The following CTXND1 variants were observed in gnomAD, a reference collection of about 807,000 sequenced individuals.
CTXND1 encodes the protein cortexin domain-containing 1 protein.
At chr15:80,238,572 C>T (rs1893529940) in intron 1 of CTXND1, among the ~76,000 whole-genome samples, 1 of 151,520 alleles carries the variant, frequency 6.6e-6, no homozygotes, top group Non-Finnish European at 1.5e-5. Context: ...GCAAGCTCCA[C>T]CTCCCAGGTT....
intron 1 of CTXND1, among the ~76,000 whole-genome samples, chr15:80,222,123 T>C (rs1225237890): frequency 6.6e-6 from 1 of 152,196 alleles, no homozygotes; most frequent in East Asian, 1.9e-4. Flanking sequence ...TTCATTATGC[T>C]ATTAGAATCC....
At position 80,209,421 on chromosome 15, in the gene CTXND1, A is replaced by G. The variant is rs73485401; in HGVS notation, c.-217-5681T>C. ...CCCCAGCATAACTGCATCATCCTTC[A>G]ACACTGAGCCTGTACGAGCCAAGTG... On this transcript the variant is annotated intron_variant, in intron 1 of 2. Coordinates refer to ENST00000560778, the MANE Select transcript of CTXND1 (RefSeq NM_001352888.2). 6.8e-3 allele frequency among the ~76,000 whole-genome samples: 1,039 copies of G among 152,286 alleles called. 14 individuals are homozygous for G. The highest frequency in any genetic ancestry group is 0.023 in the African/African-American group (976 of 41,558).
At chr15:80,220,884 TATTA>T (rs1246492639) in intron 1 of CTXND1, among the ~76,000 whole-genome samples, 1 of 149,858 alleles carries the variant, frequency 6.7e-6, no homozygotes, top group South Asian at 2.1e-4. Flanking sequence ...TGAGCTCTAT[TATTA>T]ATTAATTTAT....
At chr15:80,224,245 C>G (rs758720919) in intron 1 of CTXND1, among the ~76,000 whole-genome samples, 1 of 152,130 alleles carries the variant, frequency 6.6e-6, no homozygotes, top group Non-Finnish European at 1.5e-5. Flanking sequence ...AACCACCGAC[C>G]GACTGCAATC....
At chr15:80,224,066 G>A (rs1197266584) in intron 1 of CTXND1, among the ~76,000 whole-genome samples, 2 of 152,086 alleles carry the variant, frequency 1.3e-5, no homozygotes, top group African/African-American at 2.4e-5. Flanking sequence ...ACCTTGAGCC[G>A]CCATGTCAAG....
At chr15:80,218,670 C>CA (rs1468185495) in intron 1 of CTXND1, among the ~76,000 whole-genome samples, 2 of 151,652 alleles carry the variant, frequency 1.3e-5, no homozygotes, top group Admixed American at 6.6e-5. Context: ...TAAACATGTA[C>CA]AAAATCTGAG....
intron 1 of CTXND1, among the ~76,000 whole-genome samples, chr15:80,234,978 C>T (rs538128546): frequency 4.7e-4 from 62 of 131,562 alleles, no homozygotes; most frequent in Non-Finnish European, 7.4e-4. Flanking sequence ...GAGGTTCGGT[C>T]CCCAGAGTTT....
At chr15:80,208,266 C>T (rs1893171025) in intron 1 of CTXND1, among the ~76,000 whole-genome samples, 1 of 152,168 alleles carries the variant, frequency 6.6e-6, no homozygotes, top group African/African-American at 2.4e-5. Context: ...TGCACACACA[C>T]ATATGCACAT....
chr15:80,226,978 C>T (rs923292196), intron 1 of CTXND1, among the ~76,000 whole-genome samples: 1 of 152,150 alleles, frequency 6.6e-6, no homozygotes, highest in Admixed American at 6.5e-5. Flanking sequence ...TTCCCCATCT[C>T]TTTGCTCTTT....
chr15:80,229,095 C>A (rs1490871731), intron 1 of CTXND1, among the ~76,000 whole-genome samples: 2 of 152,176 alleles, frequency 1.3e-5, no homozygotes, highest in Non-Finnish European at 2.9e-5. Context: ...ACTCAACCTA[C>A]ATTTTGAAAG....
chr15:80,231,527 G>A (rs1893430552), intron 1 of CTXND1, among the ~76,000 whole-genome samples: 2 of 152,098 alleles, frequency 1.3e-5, no homozygotes, highest in South Asian at 4.1e-4. Context: ...CCTCTAAATT[G>A]GTCTTTGATA....
At chr15:80,248,385 C>A (rs183574568) in intron 1 of CTXND1, among the ~76,000 whole-genome samples, 9 of 152,126 alleles carry the variant, frequency 5.9e-5, no homozygotes, top group Non-Finnish European at 5.9e-5. Context: ...GGAGACGCAG[C>A]GGAAAGGGTA....
At chr15:80,220,019 C>T (rs892245484) in intron 1 of CTXND1, among the ~76,000 whole-genome samples, 1 of 151,972 alleles carries the variant, frequency 6.6e-6, no homozygotes, top group Non-Finnish European at 1.5e-5. Context: ...ATGTAGTAAG[C>T]CACATTAATC....
intron 1 of CTXND1, among the ~76,000 whole-genome samples, chr15:80,224,464 T>C (rs577240807): frequency 6.6e-6 from 1 of 152,362 alleles, no homozygotes; most frequent in South Asian, 2.1e-4. Flanking sequence ...TCTTAATGAT[T>C]CTAACTCTAT....
chr15:80,204,169 A>AAAAT (rs1555443860), intron 1 of CTXND1, among the ~76,000 whole-genome samples: 16 of 65,196 alleles, frequency 2.5e-4, no homozygotes, highest in East Asian at 5.4e-4. Flanking sequence ...AAAAAAAAAA[A>AAAAT]ATATATATAT....
At chr15:80,238,938 A>T (rs1042277642) in intron 1 of CTXND1, among the ~76,000 whole-genome samples, 3 of 152,206 alleles carry the variant, frequency 2.0e-5, no homozygotes, top group Non-Finnish European at 4.4e-5. Flanking sequence ...ACATGCTATG[A>T]TGTTCACATA....
intron 1 of CTXND1, among the ~76,000 whole-genome samples, chr15:80,219,569 A>G (rs1409693144): frequency 2.0e-5 from 3 of 152,236 alleles, no homozygotes; most frequent in African/African-American, 7.2e-5. Flanking sequence ...GAGTTGTAGA[A>G]TAGGCATATC....
intron 1 of CTXND1, among the ~76,000 whole-genome samples, chr15:80,215,148 CAG>C (rs1241844933): frequency 6.6e-6 from 1 of 152,160 alleles, no homozygotes; most frequent in Non-Finnish European, 1.5e-5. Context: ...AGTTGGGCTC[CAG>C]TCCAGCAGCC....
intron 1 of CTXND1, among the ~76,000 whole-genome samples, chr15:80,223,156 T>A (rs10851928): frequency 3.9e-5 from 6 of 152,038 alleles, no homozygotes; most frequent in East Asian, 1.9e-4. Context: ...TCGGCCCACC[T>A]CAACCTCCGC....
Sources: allele counts gnomAD v4.1 joint callset (sites outside exome capture counted in the v4.1 genomes callset), GRCh38; gene constraint gnomAD v4.1.1; transcripts MANE v1.5; gene names NCBI Gene and HGNC (gene_info 2026-07-23, HGNC 2026-07-21).